The following ZBTB11 variants were observed in gnomAD, a reference collection of about 807,000 sequenced individuals.
ZBTB11 encodes zinc finger and BTB domain containing 11.
ZBTB11 carries 68 observed loss-of-function variants against 113.1 expected under a neutral mutation model. That is an observed-to-expected ratio of 0.60 (90% confidence interval 0.49 to 0.74). The LOEUF (loss-of-function observed/expected upper bound fraction) is 0.74. Among genes scored for constraint, ZBTB11 ranks in the 30% least tolerant of loss-of-function variants. The pLI is 0.00. For missense variants in ZBTB11, 1,104 were observed against 1,279.4 expected, an observed-to-expected ratio of 0.86 and a Z score of 2.09; for synonymous variants, 518 against 452.6, an observed-to-expected ratio of 1.14 and a Z score of -1.83.
chr3:101,674,177 G>C (rs1034300338), intron 1 of ZBTB11, among the ~76,000 whole-genome samples: 1 of 151,946 alleles, frequency 6.6e-6, no homozygotes, highest in Non-Finnish European at 1.5e-5. Context: ...TTAGCTAGGT[G>C]TGGAGGCACG....
rs765927693 is a variant in ZBTB11, at chr3:101,674,104, GGT to G, written c.311-1893_311-1892del. Among the ~76,000 whole-genome samples, 7 of 150,806 alleles carry G rather than the reference GGT, an allele frequency of 4.6e-5. No individual in the cohort carries two copies. The South Asian group carries it at 1.3e-3, about 27-fold the overall frequency. ...TGGCTCACACACTTTGGGAGGCTGAGGTGGGCGGATCATTTGAGGTAAGAAGT... is the reference window on the plus strand; with the variant it reads ...TGGCTCACACACTTTGGGAGGCTGAGGGGCGGATCATTTGAGGTAAGAAGT... On this transcript the variant is annotated intron_variant, in intron 1 of 10. Transcript: ENST00000312938.
intron 8 of ZBTB11, 140 bp downstream of exon 8, chr3:101,654,564 A>G: frequency 1.6e-6 from 1 of 637,066 alleles, no homozygotes. Flanking sequence ...TAAAAATAGT[A>G]ACCCTTAAGC....
In ZBTB11 at chr3:101,676,970, G is replaced by T. The variant is rs1264275988; in HGVS notation, c.-56C>A. The T allele has an allele frequency of 3.4e-6, 5 of 1,489,682 alleles. No individual in the cohort carries two copies. Among genetic ancestry groups the T allele is most frequent in the Middle Eastern group, 2.0e-4 (1 of 4,896 alleles). 92.3% of individuals were successfully genotyped at this position (1,489,682 alleles called of 1,614,324 possible). ...CAGGGACAGGTGAGGAAAACGGCCC[G>T]CTACCTACGGGCGGCTGCAGGAGGA... is the stretch of plus-strand genomic sequence containing the variant. On this transcript the variant is annotated 5_prime_UTR_variant, in exon 1 of 11. Coordinates refer to ENST00000312938, the MANE Select transcript of ZBTB11 (RefSeq NM_014415.4).
intron 8 of ZBTB11, among the ~76,000 whole-genome samples, chr3:101,653,243 C>T (rs1259082823): frequency 1.3e-5 from 2 of 152,164 alleles, no homozygotes; most frequent in African/African-American, 4.8e-5. Flanking sequence ...CATTCTTAGT[C>T]CATGTGTTGA....
In ZBTB11 at chr3:101,664,724, G is replaced by C; in HGVS notation, c.1624-10C>G. ...CTAACTTCTGAGCCACCTAGTAAGGGATAGAAATCACAATCTAAGTAAATC... is the reference window on the plus strand; with the variant it reads ...CTAACTTCTGAGCCACCTAGTAAGGCATAGAAATCACAATCTAAGTAAATC... On this transcript the variant is annotated splice_polypyrimidine_tract_variant and intron_variant, in intron 4 of 10. Transcript: ENST00000312938. 1 of 1,574,144 alleles carries C rather than the reference G, an allele frequency of 6.4e-7. No individual in the cohort carries two copies. The highest frequency in any genetic ancestry group is 8.6e-7 in the Non-Finnish European group (1 of 1,166,226).
At chr3:101,663,074 GA>G (rs957980778) in intron 5 of ZBTB11, among the ~76,000 whole-genome samples, 16 of 152,036 alleles carry the variant, frequency 1.1e-4, no homozygotes, top group African/African-American at 3.9e-4. Context: ...CGAGTAGCTG[GA>G]ACTACAGGTG....
chr3:101,666,992 G>A (rs1052976681), intron 3 of ZBTB11, among the ~76,000 whole-genome samples: 13 of 152,236 alleles, frequency 8.5e-5, no homozygotes, highest in Admixed American at 7.2e-4. Flanking sequence ...CTTGTGATAA[G>A]CCTGCCTCGG....
Position 101,665,333 on chromosome 3 carries a change from G to GT in ZBTB11, c.1253dup (p.Asn418LysfsTer15). 1 of 1,614,168 alleles carries GT rather than the reference G, an allele frequency of 6.2e-7. No homozygotes were observed. The highest frequency in any genetic ancestry group is 8.5e-7 in the Non-Finnish European group (1 of 1,180,038). ...TTGAAGTTTCTAGTTCTGTCTGGTT[G>GT]TTTTTTGTTATTAAATCAACAGACT... On this transcript the variant is annotated frameshift_variant, in exon 4 of 11. Coordinates refer to ENST00000312938, the MANE Select transcript of ZBTB11 (RefSeq NM_014415.4). LOFTEE classifies it high-confidence loss of function.
rs1405486798 is a variant in ZBTB11 at position 101,650,012 on chromosome 3, G to A, written c.*1154C>T. On this transcript the variant is annotated 3_prime_UTR_variant, in exon 11 of 11. Transcript: ENST00000312938. The stretch of plus-strand genomic sequence containing the variant: ...GAAAATTGGATAGCTTGAGGAGGTG[G>A]GATTTAAAAATCAAACATATGAATT... 3 of 152,360 alleles carry A rather than the reference G, an allele frequency of 2.0e-5. No homozygotes were observed. The highest frequency in any genetic ancestry group is 4.2e-4 in the South Asian group (2 of 4,816). 9.4% of individuals were successfully genotyped at this position (152,360 alleles called of 1,614,324 possible). A position where few individuals can be genotyped will look rare whatever the true frequency, so the allele number is the denominator to read the frequency against.
chr3:101,672,234 A>T lies in ZBTB11; in HGVS notation c.311-21T>A, dbSNP rs764097214. The T allele has an allele frequency of 5.9e-6, 9 of 1,529,542 alleles. No homozygotes were observed. The African/African-American group carries it at 1.2e-4, about 21-fold the overall frequency. 94.7% of individuals were successfully genotyped at this position (1,529,542 alleles called of 1,614,324 possible). A position where few individuals can be genotyped will look rare whatever the true frequency, so the allele number is the denominator to read the frequency against. On this transcript the variant is annotated intron_variant, in intron 1 of 10. Coordinates refer to ENST00000312938, the MANE Select transcript of ZBTB11 (RefSeq NM_014415.4). ...TATACCTACAATGAAAATATTAACA[A>T]GTCAAATTTAATACTGTTAACTGAA... is the stretch of plus-strand genomic sequence containing the variant.
intron 1 of ZBTB11, 152 bp downstream of exon 1, chr3:101,676,453 G>A: frequency 5.2e-6 from 4 of 771,474 alleles, no homozygotes; most frequent in South Asian, 7.0e-5. Flanking sequence ...CTCCTTTCGC[G>A]TCCCCCACCC....
chr3:101,671,514 T>C, intron 2 of ZBTB11, 153 bp from the exon 3 acceptor site: 2 of 635,244 alleles, frequency 3.1e-6, no homozygotes, highest in South Asian at 4.0e-5. Context: ...TAAAAAGATA[T>C]GTTGTCCTAT....
intron 2 of ZBTB11, 199 bp downstream of exon 2, chr3:101,671,779 A>G: frequency 1.6e-6 from 1 of 606,628 alleles, no homozygotes; most frequent in Non-Finnish European, 2.9e-6. Flanking sequence ...CCAACAGGTA[A>G]TTATTAAGTT....
intron 3 of ZBTB11, among the ~76,000 whole-genome samples, chr3:101,666,227 A>G (rs1936993528): frequency 6.6e-6 from 1 of 152,244 alleles, no homozygotes; most frequent in Non-Finnish European, 1.5e-5. Flanking sequence ...CTTCCAAGTA[A>G]TAGTGGTACA....
chr3:101,669,931 C>T (rs543067520), intron 3 of ZBTB11, among the ~76,000 whole-genome samples: 4 of 151,978 alleles, frequency 2.6e-5, no homozygotes, highest in South Asian at 2.1e-4. Flanking sequence ...CAGGTTCAAG[C>T]GATTCTCCTG....
rs529136647 is a variant in ZBTB11 at position 101,673,245 on chromosome 3, A to G, written c.311-1032T>C. ...TAAGAGAACAATTAATTCCCATTCT[A>G]TACAAGAGGAAAATAAAGCCCTAAG... On this transcript the variant is annotated intron_variant, in intron 1 of 10. Transcript: ENST00000312938. Among the ~76,000 whole-genome samples, 22 of 152,266 alleles carry G rather than the reference A, an allele frequency of 1.4e-4. No individual in the cohort carries two copies. The South Asian group carries it at 4.6e-3, about 32-fold the overall frequency.
chr3:101,665,930 C>T (rs1403433895), intron 3 of ZBTB11, 122 bp from the exon 4 acceptor site: 2 of 1,021,194 alleles, frequency 2.0e-6, no homozygotes, highest in Non-Finnish European at 2.8e-6. Context: ...AACTAATCAT[C>T]CCTGGATTTG....
chr3:101,656,355 T>C, intron 6 of ZBTB11, 107 bp from the exon 7 acceptor site: 1 of 673,606 alleles, frequency 1.5e-6, no homozygotes, highest in Non-Finnish European at 2.0e-6. Context: ...ATATTTAAAT[T>C]ATTTAATTTA....
chr3:101,676,252 G>C (rs1187007582), intron 1 of ZBTB11, among the ~76,000 whole-genome samples: 1 of 151,358 alleles, frequency 6.6e-6, no homozygotes, highest in Admixed American at 6.6e-5. Flanking sequence ...CCACTGCCGC[G>C]AGCCACACGC....
Sources: allele counts gnomAD v4.1 joint callset (sites outside exome capture counted in the v4.1 genomes callset), GRCh38; gene constraint gnomAD v4.1.1; transcripts MANE v1.5; gene names NCBI Gene and HGNC (gene_info 2026-07-23, HGNC 2026-07-21).